The following NBAS variants were observed in gnomAD, a reference collection of about 807,000 sequenced individuals.
The protein encoded by NBAS is NBAS subunit of NRZ tethering complex.
In NBAS, 219 loss-of-function variants were observed where a neutral mutation model predicts 302.5. The observed-to-expected ratio is 0.72, with a 90% CI of 0.65 to 0.81. The LOEUF (loss-of-function observed/expected upper bound fraction) is 0.81, where lower values mean the gene tolerates loss of function less well. NBAS is among the 30% of genes least tolerant of loss of function. The probability of loss-of-function intolerance (pLI) is 0.00; values close to 1 mark genes in which losing one functional copy is unlikely to be tolerated. For missense variants in NBAS, 2,932 were observed against 2,841.6 expected (o/e 1.03, Z -0.72); for synonymous variants, 1,118 against 1,021.6 (o/e 1.09, Z -1.80).
chr2:15,495,437 A>G (rs903461752), intron 11 of NBAS, among the ~76,000 whole-genome samples: 1 of 152,202 alleles, frequency 6.6e-6, no homozygotes, highest in South Asian at 2.1e-4. Context: ...AGTAAAATGA[A>G]AAAACAGTTT....
At chr2:14,984,258 T>C in the NBAS span, among the ~76,000 whole-genome samples, 47 of 152,112 alleles carry the variant, frequency 3.1e-4, no homozygotes, top group African/African-American at 1.1e-3. Context: ...CTCTGCCCCC[T>C]ACCCTTCCTA....
At chr2:15,561,132 C>CT in intron 1 of NBAS, 56 bp downstream of exon 1, 1 of 1,494,540 alleles carries the variant, frequency 6.7e-7, no homozygotes, top group South Asian at 1.1e-5. Context: ...CTACGTGGCT[C>CT]TACCCACGAA....
At chr2:15,297,708 T>C (rs1558512917) in intron 40 of NBAS, among the ~76,000 whole-genome samples, 1 of 152,250 alleles carries the variant, frequency 6.6e-6, no homozygotes, top group Non-Finnish European at 1.5e-5. Context: ...TAGTTCTTTA[T>C]AGCAGTGTGC....
chr2:14,872,681 C>T, the NBAS span, among the ~76,000 whole-genome samples: 3 of 152,184 alleles, frequency 2.0e-5, no homozygotes, highest in Non-Finnish European at 2.9e-5. Flanking sequence ...TTCATTCCTC[C>T]GGGTGAGTTC....
chr2:15,219,273 A>C (rs1452949153), intron 47 of NBAS, among the ~76,000 whole-genome samples: 1 of 151,524 alleles, frequency 6.6e-6, no homozygotes, highest in Non-Finnish European at 1.5e-5. Flanking sequence ...TCTGTTAATA[A>C]TACCAATAGT....
the NBAS span, among the ~76,000 whole-genome samples, chr2:15,114,931 G>A: frequency 2.6e-5 from 4 of 152,204 alleles, no homozygotes; most frequent in African/African-American, 7.2e-5. Flanking sequence ...AGCTAAAGGG[G>A]TTAGAAGTGG....
At chr2:15,039,545 A>G in the NBAS span, among the ~76,000 whole-genome samples, 1 of 152,224 alleles carries the variant, frequency 6.6e-6, no homozygotes, top group Non-Finnish European at 1.5e-5. Flanking sequence ...TGTGCACCAC[A>G]GCTCAATATT....
chr2:15,403,864 C>CGTGTGTGTGTGTGTGTGTGTGT (rs10624311), intron 25 of NBAS, among the ~76,000 whole-genome samples: 12 of 135,412 alleles, frequency 8.9e-5, no homozygotes, highest in Non-Finnish European at 1.9e-4. Context: ...TTCCTTCCTT[C>CGTGTGTGTGTGTGTGTGTGTGT]GTGTGTGTGT....
In NBAS at chr2:15,487,624, T is replaced by A. The variant is rs567705823; in HGVS notation, c.1083+1270A>T. Among the ~76,000 whole-genome samples the A allele has an allele frequency of 7.8e-4, 119 of 152,186 alleles. 1 individual carries two copies. The highest frequency in any genetic ancestry group is 1.4e-3 in the Non-Finnish European group (97 of 68,030). On this transcript the variant is annotated intron_variant, in intron 12 of 51. Coordinates refer to ENST00000281513, the MANE Select transcript of NBAS (RefSeq NM_015909.4). Reference sequence around the variant, plus strand: ...CCCTATAAATCAGCCTACACTCCCATCCTCAGTCAGCTCTTGAACAGCCAA... The same window carrying A: ...CCCTATAAATCAGCCTACACTCCCAACCTCAGTCAGCTCTTGAACAGCCAA...
At chr2:15,439,645 A>T (rs1678238408) in intron 21 of NBAS, among the ~76,000 whole-genome samples, 1 of 152,114 alleles carries the variant, frequency 6.6e-6, no homozygotes, top group Non-Finnish European at 1.5e-5. Flanking sequence ...GGAGTGCCAG[A>T]CAGTGGGCGC....
rs547311835 is a variant in NBAS at position 15,401,245 on chromosome 2, T to C, written c.3071+923A>G. 1.9e-4 allele frequency among the ~76,000 whole-genome samples: 29 copies of C among 152,290 alleles called. 1 individual carries two copies. The South Asian group carries it at 3.3e-3, about 17-fold the overall frequency. Reference sequence around the variant, plus strand: ...CCACTAATGACTGCATGAATAACTCTTTCATGGTAGATTGCAAAATTGGTG... The same window carrying C: ...CCACTAATGACTGCATGAATAACTCCTTCATGGTAGATTGCAAAATTGGTG... On this transcript the variant is annotated intron_variant, in intron 26 of 51. Coordinates refer to ENST00000281513, the MANE Select transcript of NBAS (RefSeq NM_015909.4).
chr2:15,015,146 T>C, the NBAS span, among the ~76,000 whole-genome samples: 1 of 144,740 alleles, frequency 6.9e-6, no homozygotes, highest in African/African-American at 2.6e-5. Flanking sequence ...ATAAGAAGTT[T>C]CCCAAAAAAA....
chr2:15,155,910 C>T, the NBAS span, among the ~76,000 whole-genome samples: 4 of 152,140 alleles, frequency 2.6e-5, no homozygotes, highest in East Asian at 1.9e-4. Context: ...GGGTGTTATT[C>T]GGTGCCAAGG....
At position 15,508,617 on chromosome 2, in the gene NBAS, T is replaced by A. The variant is rs141475338; in HGVS notation, c.885+2595A>T. Among the ~76,000 whole-genome samples, 102 of 149,938 alleles carry A rather than the reference T, an allele frequency of 6.8e-4. 1 individual carries two copies. Among genetic ancestry groups the A allele is most frequent in the African/African-American group, 2.5e-3 (101 of 40,540 alleles). Reference sequence around the variant, plus strand: ...CACCTAGCTAGACCAGTTATTAACATTTTGTCACATTTGCTTTATCTCTAT... The same window carrying A: ...CACCTAGCTAGACCAGTTATTAACAATTTGTCACATTTGCTTTATCTCTAT... On this transcript the variant is annotated intron_variant, in intron 10 of 51. Transcript: ENST00000281513.
At chr2:14,883,402 T>C in the NBAS span, among the ~76,000 whole-genome samples, 1 of 152,196 alleles carries the variant, frequency 6.6e-6, no homozygotes, top group African/African-American at 2.4e-5. Flanking sequence ...ATGCTTGCAA[T>C]CTCTCTTGCA....
intron 32 of NBAS, among the ~76,000 whole-genome samples, chr2:15,362,320 AAAAAAAAAAGAAAG>A (rs1253852382): frequency 2.0e-5 from 3 of 151,038 alleles, no homozygotes; most frequent in Admixed American, 6.6e-5. Flanking sequence ...TCTACCAAAA[AAAAAAAAAAGAAAG>A]AAAAGAAAAG....
the NBAS span, among the ~76,000 whole-genome samples, chr2:14,928,245 C>T: frequency 6.6e-6 from 1 of 152,188 alleles, no homozygotes; most frequent in African/African-American, 2.4e-5. Flanking sequence ...CAACCCTCTG[C>T]CTTTGATTCC....
At chr2:15,001,444 T>C in the NBAS span, among the ~76,000 whole-genome samples, 1 of 152,128 alleles carries the variant, frequency 6.6e-6, no homozygotes, top group Admixed American at 6.5e-5. Flanking sequence ...TATTAGGTGA[T>C]AAAAAGATGA....
At chr2:14,982,670 C>T in the NBAS span, among the ~76,000 whole-genome samples, 1 of 151,690 alleles carries the variant, frequency 6.6e-6, no homozygotes. Flanking sequence ...GGATGGAATG[C>T]CTGAGAAAAA....
Sources: gnomAD v4.1 joint callset for allele counts (sites outside exome capture counted in the v4.1 genomes callset) on GRCh38, gnomAD v4.1.1 for gene constraint, MANE v1.5 for transcripts, NCBI Gene and HGNC (gene_info 2026-07-23, HGNC 2026-07-21) for gene names.